The following PGC variants were observed in gnomAD, a reference collection of about 807,000 sequenced individuals.
PGC encodes the protein gastricsin.
In PGC, 31 loss-of-function variants were observed where a neutral mutation model predicts 45.9. The ratio of observed to expected loss-of-function variants is 0.67; its 90% CI spans 0.51 to 0.91. PGC has a LOEUF of 0.91. PGC is among the 40% of genes least tolerant of loss of function. The pLI, the probability that PGC is intolerant of heterozygous loss-of-function variation, is 0.00. For synonymous variants in PGC, 192 were observed against 201.8 expected (o/e 0.95, Z 0.41); for missense variants, 477 against 493.2 (o/e 0.97, Z 0.31).
rs1365354256 is a variant in PGC at position 41,747,267 on chromosome 6, C to T, written c.59+9G>A. 1.9e-6 allele frequency: 3 copies of T among 1,613,158 alleles called. No individual in the cohort carries two copies. Among genetic ancestry groups the T allele is most frequent in the East Asian group, 4.5e-5 (2 of 44,872 alleles). On this transcript the variant is annotated intron_variant, in intron 1 of 8. Transcript: ENST00000373025. ...GCTCCCTGCACCAGCAGCCAGATCCCAGACTCACTTGACCACTGCTGCCTC... is the reference window on the plus strand; with the variant it reads ...GCTCCCTGCACCAGCAGCCAGATCCTAGACTCACTTGACCACTGCTGCCTC...
Position 41,742,502 on chromosome 6 carries a change from C to G in PGC, c.448-13G>C. ...GGATGCTCTGGACCTAATGGAGACA[C>G]AAACGAGGGGAGGTGACCAGTCTGA... On this transcript the variant is annotated splice_polypyrimidine_tract_variant and intron_variant, in intron 4 of 8. Transcript: ENST00000373025. 1 of 1,612,164 alleles carries G rather than the reference C, an allele frequency of 6.2e-7. No individual in the cohort carries two copies.
Position 41,744,917 on chromosome 6 carries a change from CTGTT to C in PGC, c.60-113_60-110del, listed in dbSNP as rs1252746838. Reference sequence around the variant, plus strand: ...TGCATGCTTCAACCTCCCTGCCACTCTGTTTGTTCCCCCTTGTCTGTGTGTGTCT... The same window carrying C: ...TGCATGCTTCAACCTCCCTGCCACTCTGTTCCCCCTTGTCTGTGTGTGTCT... On this transcript the variant is annotated intron_variant, in intron 1 of 8. Transcript: ENST00000373025. This position sits in a 1 kb window ranked among gnomAD's most constrained non-coding sequence, Gnocchi z 4.4. 3 of 933,658 alleles carry C rather than the reference CTGTT, an allele frequency of 3.2e-6. No homozygotes were observed. Among genetic ancestry groups the C allele is most frequent in the Admixed American group, 2.2e-5 (1 of 45,186 alleles). 57.8% of individuals were successfully genotyped at this position (933,658 alleles called of 1,614,324 possible).
chr6:41,742,313 G>C lies in PGC; in HGVS notation c.624C>G (p.Pro208=), dbSNP rs202141067. 4 of 1,613,992 alleles carry C rather than the reference G, an allele frequency of 2.5e-6. No individual in the cohort carries two copies. Among genetic ancestry groups the C allele is most frequent in the East Asian group, 2.2e-5 (1 of 44,882 alleles). The change falls in exon 5 of 9, where the codon CCC becomes CCG. Residue 208 remains proline, a synonymous_variant. Transcript: ENST00000373025. The part of the protein sequence containing the change: ...GMVQEGALTS[P]VFSVYLSNQQ... ...ACTTGCTGAGGTAGACGCTGAAGACGGGGCTGGTGAGGGCGCCCTCCTGCA... is the reference window on the plus strand; with the variant it reads ...ACTTGCTGAGGTAGACGCTGAAGACCGGGCTGGTGAGGGCGCCCTCCTGCA...
intron 8 of PGC, 55 bp downstream of exon 8, chr6:41,737,675 G>T: frequency 9.3e-7 from 1 of 1,075,008 alleles, no homozygotes; most frequent in Non-Finnish European, 1.4e-6. Flanking sequence ...TGGCTCCCCA[G>T]CCCTTCCTCC....
rs781339031 is a variant in PGC at position 41,744,824 on chromosome 6, A to G, written c.60-16T>C. ...CAGGGGCACTCTACAGAAAGGTTGC[A>G]TATGAGGCAAGGCCCTCCCTCCTTC... On this transcript the variant is annotated splice_polypyrimidine_tract_variant and intron_variant, in intron 1 of 8. Transcript: ENST00000373025. This position sits in a 1 kb window ranked among gnomAD's most constrained non-coding sequence, Gnocchi z 4.4. 2.5e-6 allele frequency: 4 copies of G among 1,611,196 alleles called. No homozygotes were observed. Among genetic ancestry groups the G allele is most frequent in the Non-Finnish European group, 3.4e-6 (4 of 1,178,478 alleles).
At position 41,738,425 on chromosome 6, in the gene PGC, C is replaced by T. The variant is rs938721421; in HGVS notation, c.916-597G>A. 8.6e-5 allele frequency among the ~76,000 whole-genome samples: 13 copies of T among 150,732 alleles called. No individual in the cohort carries two copies. In the East Asian group the frequency reaches 1.4e-3, roughly 16 times the overall value. On this transcript the variant is annotated intron_variant, in intron 7 of 8. Transcript: ENST00000373025. ...GGCAGATTGCTTGAGTCCAGAAGTT[C>T]GAGACCAGCCTGAGTGACATGATGA...
chr6:41,737,939 G>A (rs1213305571), intron 7 of PGC, 111 bp from the exon 8 acceptor site: 4 of 651,632 alleles, frequency 6.1e-6, no homozygotes, highest in East Asian at 5.6e-5. Context: ...CAAGCCCTAA[G>A]CCTGTTTTTG....
intron 6 of PGC, 101 bp downstream of exon 6, chr6:41,740,390 G>A (rs1319816677): frequency 1.4e-6 from 2 of 1,433,952 alleles, no homozygotes; most frequent in Non-Finnish European, 1.9e-6. Context: ...GGGGTCCTCT[G>A]CCCCATCCCA....
At position 41,740,477 on chromosome 6, in the gene PGC, C is replaced by T. The variant is rs1561880879; in HGVS notation, c.767+14G>A. 6.2e-7 allele frequency: 1 copy of T among 1,600,978 alleles called. No individual in the cohort carries two copies. The highest frequency in any genetic ancestry group is 1.3e-5 in the African/African-American group (1 of 74,468). On this transcript the variant is annotated intron_variant, in intron 6 of 8. Coordinates refer to ENST00000373025, the MANE Select transcript of PGC (RefSeq NM_002630.4). ...AGGAAGTGCCACATCCCCAGGGCCCCACCGCAGACTCACTCTTCAATGCCA... is the reference window on the plus strand; with the variant it reads ...AGGAAGTGCCACATCCCCAGGGCCCTACCGCAGACTCACTCTTCAATGCCA...
At chr6:41,738,200 ATG>A (rs1206922518) in intron 7 of PGC, among the ~76,000 whole-genome samples, 11,929 of 51,300 alleles carry the variant, frequency 0.23, 2,141 homozygotes, top group Non-Finnish European at 0.34. Flanking sequence ...GCATATATAT[ATG>A]CATATATATA....
rs561530442 is a variant in PGC at position 41,740,594 on chromosome 6, C to A, written c.664G>T (p.Gly222Trp). 5.6e-6 allele frequency: 9 copies of A among 1,600,482 alleles called. No homozygotes were observed. Among genetic ancestry groups the A allele is most frequent in the African/African-American group, 5.4e-5 (4 of 74,180 alleles). Reference sequence around the variant, plus strand: ...ACACCCCCAAAGACAACCGCTCCCCCGCTGGAGCCCTGCTGGCTGCAGGAG... The same window carrying A: ...ACACCCCCAAAGACAACCGCTCCCCAGCTGGAGCCCTGCTGGCTGCAGGAG... ...VYLSNQQGSSGGAVVFGGVDS... is the reference protein window; with the variant it reads ...VYLSNQQGSSWGAVVFGGVDS... The change falls in exon 6 of 9, where the codon GGG becomes TGG. Residue 222 changes from glycine (G) to tryptophan (W), a missense_variant. Transcript: ENST00000373025.
At chr6:41,745,900 C>T (rs7452896) in intron 1 of PGC, among the ~76,000 whole-genome samples, 117,065 of 151,106 alleles carry the variant, frequency 0.77, 45,441 homozygotes, top group African/African-American at 0.8. Flanking sequence ...CGGTAGCTCA[C>T]GCCTGTAATC....
intron 7 of PGC, among the ~76,000 whole-genome samples, chr6:41,739,276 G>C (rs1446293298): frequency 6.6e-6 from 1 of 152,182 alleles, no homozygotes; most frequent in Non-Finnish European, 1.5e-5. Flanking sequence ...CTGCCTAATA[G>C]TAACCTCCTT....
At chr6:41,741,798 G>T in intron 5 of PGC, 1 of 1,535,902 alleles carries the variant, frequency 6.5e-7, no homozygotes, top group Non-Finnish European at 8.7e-7. Flanking sequence ...ATAACAACCT[G>T]CTAGGGGTCA....
intron 4 of PGC, 28 bp downstream of exon 4, chr6:41,743,243 C>G (rs1771864331): frequency 7.4e-7 from 1 of 1,343,966 alleles, no homozygotes; most frequent in Non-Finnish European, 1.1e-6. Flanking sequence ...GCTCACAGCC[C>G]CAGCCTCCAC....
At chr6:41,741,902 G>A in intron 5 of PGC, 1 of 1,325,710 alleles carries the variant, frequency 7.5e-7, no homozygotes, top group Non-Finnish European at 1.0e-6. Flanking sequence ...GAGGGATACA[G>A]GTAGAAAACA....
Position 41,740,575 on chromosome 6 carries a change from C to T in PGC, c.683G>A (p.Gly228Glu), listed in dbSNP as rs774953648. The change falls in exon 6 of 9, where the codon GGG becomes GAG. Residue 228 changes from glycine to glutamate, a missense_variant. By Grantham distance (98) the Gly-to-Glu change is moderately conservative. Coordinates refer to ENST00000373025, the MANE Select transcript of PGC (RefSeq NM_002630.4). The part of the protein sequence containing the change: ...QGSSGGAVVF[G>E]GVDSSLYTGQ... The stretch of plus-strand genomic sequence containing the variant: ...CGTGTACAGGCTGCTATCCACACCC[C>T]CAAAGACAACCGCTCCCCCGCTGGA... 6.2e-7 allele frequency: 1 copy of T among 1,605,478 alleles called. No individual in the cohort carries two copies. Among genetic ancestry groups the T allele is most frequent in the Non-Finnish European group, 8.5e-7 (1 of 1,176,064 alleles).
rs1333152817 is a variant in PGC, at chr6:41,742,459, A to G, written c.478T>C (p.Phe160Leu). ...VQSIQVPNQE[F>L]GLSENEPGTN... Reference sequence around the variant, plus strand: ...CCAGGCTCATTCTCACTCAAGCCGAACTCCTGGTTGGGGACCTGGATGCTC... The same window carrying G: ...CCAGGCTCATTCTCACTCAAGCCGAGCTCCTGGTTGGGGACCTGGATGCTC... The change falls in exon 5 of 9, where the codon TTC becomes CTC. Residue 160 changes from phenylalanine (F) to leucine (L), a missense_variant. By Grantham distance (22) the Phe-to-Leu change is conservative (BLOSUM62 0). Coordinates refer to ENST00000373025, the MANE Select transcript of PGC (RefSeq NM_002630.4). 1 of 1,614,096 alleles carries G rather than the reference A, an allele frequency of 6.2e-7. No homozygotes were observed. The highest frequency in any genetic ancestry group is 1.7e-5 in the Admixed American group (1 of 60,018).
chr6:41,744,502 C>T lies in PGC; in HGVS notation c.223G>A (p.Gly75Ser). The change falls in exon 3 of 9, where the codon GGT becomes AGT. Residue 75 changes from glycine to serine, a missense_variant. Transcript: ENST00000373025. The surrounding 1 kb of genome is among the most constrained non-coding windows in gnomAD (Gnocchi z 4.4). ...GGTGGAGTCCCGATGCTGATCTCAC[C>T]AAAGTAGGCAGCCTGGGGGCCATGG... is the stretch of plus-strand genomic sequence containing the variant. Reference protein sequence around the residue: ...PMAYMDAAYFGEISIGTPPQN... With the variant: ...PMAYMDAAYFSEISIGTPPQN... The T allele has an allele frequency of 6.2e-7, 1 of 1,612,920 alleles. No homozygotes were observed. Among genetic ancestry groups the T allele is most frequent in the Non-Finnish European group, 8.5e-7 (1 of 1,179,048 alleles).
Sources: gnomAD v4.1 joint callset for allele counts (sites outside exome capture counted in the v4.1 genomes callset) on GRCh38, gnomAD v4.1.1 for gene constraint, Gnocchi (gnomAD v3.1) non-coding constraint, MANE v1.5 for transcripts, NCBI Gene and HGNC (gene_info 2026-07-23, HGNC 2026-07-21) for gene names.